Variants in MCUB observed in about 807,000 individuals in gnomAD.
MCUB encodes the protein mitochondrial calcium uniporter dominant negative subunit beta.
Under a neutral mutation model 41.4 loss-of-function variants are expected in MCUB, and 46 were observed. The ratio of observed to expected loss-of-function variants is 1.11; its 90% CI spans 0.88 to 1.42. MCUB has a LOEUF of 1.42. Among genes scored for constraint, MCUB ranks in the 40% most tolerant of loss-of-function variants. The pLI is 0.00. For missense variants in MCUB, 403 were observed against 404.9 expected, an observed-to-expected ratio of 1.00 and a Z score of 0.04; for synonymous variants, 148 against 148.2, an observed-to-expected ratio of 1.00 and a Z score of 0.01.
chr4:109,664,780 C>G (rs891100666), intron 4 of MCUB, among the ~76,000 whole-genome samples: 2 of 152,072 alleles, frequency 1.3e-5, no homozygotes, highest in Non-Finnish European at 2.9e-5. Context: ...AAGTGATCAC[C>G]TACAGTTGCC....
intron 1 of MCUB, among the ~76,000 whole-genome samples, chr4:109,580,384 G>C (rs1252896745): frequency 1.3e-5 from 2 of 152,098 alleles, no homozygotes. Context: ...TAATCCTTTG[G>C]GTATATACCC....
chr4:109,571,181 A>C (rs1726906031), intron 1 of MCUB, among the ~76,000 whole-genome samples: 1 of 152,152 alleles, frequency 6.6e-6, no homozygotes, highest in South Asian at 2.1e-4. Context: ...ATTAGAACTT[A>C]GTGTGTGTAT....
At position 109,560,317 on chromosome 4, in the gene MCUB, C is replaced by T. The variant is rs1726588847; in HGVS notation, c.-21C>T. ...GATGCGCCGCTGACGCCTGCGGGAG[C>T]CGCGCGCCTGGGGCGGGAGGATGCT... On this transcript the variant is annotated 5_prime_UTR_variant, in exon 1 of 8. Coordinates refer to ENST00000394650, the MANE Select transcript of MCUB (RefSeq NM_017918.5). 3 of 1,210,086 alleles carry T rather than the reference C, an allele frequency of 2.5e-6. No homozygotes were observed. Among genetic ancestry groups the T allele is most frequent in the Non-Finnish European group, 3.1e-6 (3 of 962,374 alleles). The allele number at this position is 1,210,086 out of a possible 1,614,324, so 75.0% of individuals were successfully genotyped here. A position where few individuals can be genotyped will look rare whatever the true frequency, so the allele number is the denominator to read the frequency against.
intron 3 of MCUB, among the ~76,000 whole-genome samples, chr4:109,661,799 G>A (rs186137273): frequency 3.0e-4 from 46 of 152,216 alleles, no homozygotes; most frequent in Non-Finnish European, 1.2e-4. Context: ...TTGGGAGGCC[G>A]AGGTGGGTGG....
chr4:109,679,570 C>G (rs971886879), intron 4 of MCUB, among the ~76,000 whole-genome samples: 5 of 152,136 alleles, frequency 3.3e-5, no homozygotes, highest in African/African-American at 1.2e-4. Context: ...TGCAGCGAGC[C>G]GAGATCATGG....
intron 1 of MCUB, among the ~76,000 whole-genome samples, chr4:109,576,311 G>A (rs896023192): frequency 6.6e-6 from 1 of 152,098 alleles, no homozygotes; most frequent in African/African-American, 2.4e-5. Flanking sequence ...CTTATGGTAA[G>A]TCAAGTAGGT....
At chr4:109,686,279 T>C (rs892370793) in intron 7 of MCUB, among the ~76,000 whole-genome samples, 1 of 152,064 alleles carries the variant, frequency 6.6e-6, no homozygotes, top group Non-Finnish European at 1.5e-5. Context: ...GCTGTGATTA[T>C]AGGCGCCCGC....
At chr4:109,561,491 A>ATTC (rs1044593047) in intron 1 of MCUB, among the ~76,000 whole-genome samples, 2 of 152,036 alleles carry the variant, frequency 1.3e-5, no homozygotes, top group Admixed American at 1.3e-4. Context: ...GATTAAGTGC[A>ATTC]TTCAGAAAAT....
At chr4:109,685,437 G>T in intron 7 of MCUB, 70 bp downstream of exon 7, 1 of 667,034 alleles carries the variant, frequency 1.5e-6, no homozygotes. Flanking sequence ...AAGTATAACT[G>T]GTGGCTCATC....
chr4:109,582,596 G>C (rs1232090090), intron 1 of MCUB, among the ~76,000 whole-genome samples: 2 of 150,728 alleles, frequency 1.3e-5, no homozygotes, highest in Non-Finnish European at 2.9e-5. Context: ...TCAATTCTTG[G>C]CTTTTGTTGC....
intron 1 of MCUB, among the ~76,000 whole-genome samples, chr4:109,564,589 C>G (rs1258000292): frequency 6.6e-6 from 1 of 152,174 alleles, no homozygotes; most frequent in East Asian, 1.9e-4. Flanking sequence ...TATTGTGAAT[C>G]CTGGACTGAA....
rs1729296862 is a variant in MCUB, at chr4:109,664,354, C to T, written c.411C>T (p.Val137=). Residue 137 remains valine (V), a synonymous_variant, in exon 4 of 8, where the codon GTC becomes GTT. Coordinates refer to ENST00000394650, the MANE Select transcript of MCUB (RefSeq NM_017918.5). ...TGCTAATGAATGATTTTAAACTTGT[C>T]ATTAATAAAATAGCATATGATGTGC... ...DILLMNDFKL[V]INKIAYDVQC... 1 of 1,555,804 alleles carries T rather than the reference C, an allele frequency of 6.4e-7. No homozygotes were observed. The highest frequency in any genetic ancestry group is 1.4e-5 in the African/African-American group (1 of 73,506).
At chr4:109,560,564 G>A in intron 1 of MCUB, 128 bp downstream of exon 1, 1 of 460,410 alleles carries the variant, frequency 2.2e-6, no homozygotes. Flanking sequence ...GCCGGGCTCC[G>A]CGCGCCGGGC....
intron 4 of MCUB, among the ~76,000 whole-genome samples, chr4:109,671,049 T>C (rs1729444984): frequency 6.6e-6 from 1 of 152,238 alleles, no homozygotes; most frequent in African/African-American, 2.4e-5. Context: ...TATTTATCTA[T>C]CTTTTCAATT....
At position 109,618,652 on chromosome 4, in the gene MCUB, G is replaced by A. The variant is rs973492050; in HGVS notation, c.100-40359G>A. 2.0e-5 allele frequency among the ~76,000 whole-genome samples: 3 copies of A among 152,140 alleles called. No individual in the cohort carries two copies. In the South Asian group the frequency reaches 6.2e-4, roughly 32 times the overall value. On this transcript the variant is annotated intron_variant, in intron 1 of 7. Coordinates refer to ENST00000394650, the MANE Select transcript of MCUB (RefSeq NM_017918.5). ...AGCCTGGTGTGACAGATTATAATTA[G>A]CAAAGATACAAAATCAGTGGGCCAA...
intron 4 of MCUB, among the ~76,000 whole-genome samples, chr4:109,679,097 G>A (rs904520284): frequency 2.0e-4 from 30 of 148,392 alleles, no homozygotes; most frequent in Non-Finnish European, 3.4e-4. Context: ...AGGGGCAGCC[G>A]GGCAGAGGCA....
At chr4:109,641,819 A>G (rs903796650) in intron 1 of MCUB, among the ~76,000 whole-genome samples, 3 of 152,208 alleles carry the variant, frequency 2.0e-5, no homozygotes, top group African/African-American at 7.2e-5. Context: ...GGGTGTAGCA[A>G]CTTAGAATTC....
chr4:109,633,202 C>T (rs1406684484), intron 1 of MCUB, among the ~76,000 whole-genome samples: 1 of 152,054 alleles, frequency 6.6e-6, no homozygotes, highest in Non-Finnish European at 1.5e-5. Context: ...TTAAACCATT[C>T]CAGTTTTCAG....
chr4:109,560,403 A>G lies in MCUB; in HGVS notation c.66A>G (p.Pro22=), dbSNP rs970609186. 2.6e-5 allele frequency: 34 copies of G among 1,319,192 alleles called. No individual in the cohort carries two copies. Among genetic ancestry groups the G allele is most frequent in the Non-Finnish European group, 3.3e-5 (34 of 1,034,422 alleles). 81.7% of individuals were successfully genotyped at this position (1,319,192 alleles called of 1,614,324 possible). The change falls in exon 1 of 8, where the codon CCA becomes CCG. Residue 22 remains proline (P), a synonymous_variant. Coordinates refer to ENST00000394650, the MANE Select transcript of MCUB (RefSeq NM_017918.5). ...RLLPTPGTWR[P]ARPWPLPPPP... ...TGCCGACCCCTGGCACCTGGCGCCC[A>G]GCGCGCCCGTGGCCGCTGCCGCCTC...
Sources: gnomAD v4.1 joint callset for allele counts (sites outside exome capture counted in the v4.1 genomes callset) on GRCh38, gnomAD v4.1.1 for gene constraint, MANE v1.5 for transcripts, NCBI Gene and HGNC (gene_info 2026-07-23, HGNC 2026-07-21) for gene names.